RAD51B: variants seen among roughly 807,000 people sequenced by gnomAD.
The protein encoded by RAD51B is RAD51 paralog B.
Under a neutral mutation model 42.2 loss-of-function variants are expected in RAD51B, and 38 were observed. The ratio of observed to expected loss-of-function variants is 0.90; its 90% CI spans 0.70 to 1.18. The LOEUF (loss-of-function observed/expected upper bound fraction) is 1.18. RAD51B is among the 50% of genes most tolerant of loss of function. The pLI, the probability that RAD51B is intolerant of heterozygous loss-of-function variation, is 0.00. For missense variants in RAD51B, 373 were observed against 400.7 expected, an observed-to-expected ratio of 0.93 and a Z score of 0.59; for synonymous variants, 154 against 145.2, an observed-to-expected ratio of 1.06 and a Z score of -0.43.
Position 67,934,862 on chromosome 14 carries a change from C to A in RAD51B, c.756+47658C>A, listed in dbSNP as rs74475247. Among the ~76,000 whole-genome samples the A allele has an allele frequency of 3.4e-3, 518 of 152,278 alleles. 2 individuals are homozygous for A. Among genetic ancestry groups the A allele is most frequent in the African/African-American group, 0.012 (489 of 41,552 alleles). The stretch of plus-strand genomic sequence containing the variant: ...AATGGTAGGATCAGATGAGAAACCT[C>A]AGCAAGGTGTCTCCTGGTTATAGTC... On this transcript the variant is annotated intron_variant, in intron 7 of 10. Transcript: ENST00000471583.
chr14:68,630,065 T>C (rs1452303721), intron 10 of RAD51B, among the ~76,000 whole-genome samples: 2 of 152,248 alleles, frequency 1.3e-5, no homozygotes, highest in Non-Finnish European at 1.5e-5. Context: ...GGGAGGATTC[T>C]GACTCCACAG....
At chr14:68,138,816 T>C (rs1341674897) in intron 7 of RAD51B, among the ~76,000 whole-genome samples, 5 of 152,212 alleles carry the variant, frequency 3.3e-5, no homozygotes, top group Non-Finnish European at 5.9e-5. Flanking sequence ...AACTCAGTAG[T>C]TGAACCTAAG....
At chr14:68,125,431 A>G (rs2077736875) in intron 7 of RAD51B, 1 of 152,240 alleles carries the variant, frequency 6.6e-6, no homozygotes, top group Admixed American at 6.5e-5. Flanking sequence ...AAGCACACGC[A>G]GTCGTTCATA....
At chr14:68,566,633 A>C (rs570590773) in intron 10 of RAD51B, among the ~76,000 whole-genome samples, 1 of 152,132 alleles carries the variant, frequency 6.6e-6, no homozygotes, top group Non-Finnish European at 1.5e-5. Context: ...GGCTCACAGC[A>C]TACACCTACC....
intron 8 of RAD51B, among the ~76,000 whole-genome samples, chr14:68,379,443 C>T (rs558251204): frequency 6.6e-6 from 1 of 152,156 alleles, no homozygotes; most frequent in Non-Finnish European, 1.5e-5. Flanking sequence ...AGGAAATCCC[C>T]TTTCTGGCTT....
In RAD51B at chr14:68,415,031, C is replaced by CAAAAA. The variant is rs71129885; in HGVS notation, c.957+3528_957+3532dup. Among the ~76,000 whole-genome samples the CAAAAA allele has an allele frequency of 7.7e-3, 251 of 32,510 alleles. 32 individuals carry two copies. The highest frequency in any genetic ancestry group is 0.013 in the East Asian group (12 of 914). 21.3% of individuals were successfully genotyped at this position (32,510 alleles called of 152,430 possible). The stretch of plus-strand genomic sequence containing the variant: ...TGGGTGACAGAGCAAGACTCTGTCT[C>CAAAAA]AAAAAAAAAAAAAAAAAAAAAAAAA... On this transcript the variant is annotated intron_variant, in intron 9 of 10. Transcript: ENST00000471583.
chr14:68,327,589 C>A (rs2082275035), intron 8 of RAD51B, among the ~76,000 whole-genome samples: 1 of 151,816 alleles, frequency 6.6e-6, no homozygotes, highest in Non-Finnish European at 1.5e-5. Flanking sequence ...ACCATATTAC[C>A]CAATGAGGTT....
chr14:68,633,414 C>T (rs1267829228), intron 10 of RAD51B, among the ~76,000 whole-genome samples: 3 of 152,098 alleles, frequency 2.0e-5, no homozygotes, highest in Admixed American at 6.5e-5. Context: ...TTCCCCCAAA[C>T]GGCTGGCTCC....
intron 10 of RAD51B, among the ~76,000 whole-genome samples, chr14:68,628,897 C>T (rs1490135990): frequency 6.6e-6 from 1 of 152,194 alleles, no homozygotes; most frequent in African/African-American, 2.4e-5. Context: ...CGCTTAGTTG[C>T]TTATCAGGCC....
intron 5 of RAD51B, among the ~76,000 whole-genome samples, chr14:67,885,096 TA>T (rs1331029222): frequency 3.9e-5 from 6 of 152,222 alleles, no homozygotes; most frequent in Admixed American, 3.3e-4. Context: ...TCATTTCATT[TA>T]AAATGAAATG....
intron 10 of RAD51B, among the ~76,000 whole-genome samples, chr14:68,601,535 A>G (rs555740686): frequency 6.6e-6 from 1 of 152,286 alleles, no homozygotes; most frequent in South Asian, 2.1e-4. Context: ...GGCATGATTA[A>G]AGGATATCAG....
At chr14:68,429,861 T>A (rs1472109333) in intron 9 of RAD51B, among the ~76,000 whole-genome samples, 1 of 150,676 alleles carries the variant, frequency 6.6e-6, no homozygotes, top group East Asian at 1.9e-4. Flanking sequence ...GGTTTTCTTC[T>A]AGGGTTTTTA....
intron 7 of RAD51B, among the ~76,000 whole-genome samples, chr14:68,270,805 T>G (rs1215738428): frequency 1.3e-5 from 2 of 152,230 alleles, no homozygotes; most frequent in Non-Finnish European, 2.9e-5. Flanking sequence ...AGATGAGCTA[T>G]GTGTGTATTT....
chr14:68,320,994 T>C (rs2082147675), intron 8 of RAD51B, among the ~76,000 whole-genome samples: 1 of 152,216 alleles, frequency 6.6e-6, no homozygotes, highest in Admixed American at 6.5e-5. Context: ...CTTTCCCCCC[T>C]GCAGAAGTAT....
chr14:68,587,330 G>A (rs1890537025), intron 10 of RAD51B, among the ~76,000 whole-genome samples: 1 of 152,138 alleles, frequency 6.6e-6, no homozygotes, highest in South Asian at 2.1e-4. Context: ...CAGCTCTCCT[G>A]AAAGATTGGT....
intron 10 of RAD51B, among the ~76,000 whole-genome samples, chr14:68,515,056 G>C (rs1033673269): frequency 6.6e-6 from 1 of 152,180 alleles, no homozygotes; most frequent in African/African-American, 2.4e-5. Context: ...CAGAGAGCAG[G>C]TGATACTAAA....
chr14:67,991,295 T>C (rs1282142640), intron 7 of RAD51B, among the ~76,000 whole-genome samples: 1 of 152,208 alleles, frequency 6.6e-6, no homozygotes, highest in Non-Finnish European at 1.5e-5. Flanking sequence ...TAAAGTTTCA[T>C]ATTAGGTGAT....
intron 7 of RAD51B, among the ~76,000 whole-genome samples, chr14:67,988,919 TC>T (rs2075241911): frequency 6.6e-6 from 1 of 152,180 alleles, no homozygotes; most frequent in South Asian, 2.1e-4. Context: ...ATTTACAGAG[TC>T]ATGTTTTAGT....
intron 10 of RAD51B, among the ~76,000 whole-genome samples, chr14:68,516,913 T>C (rs1176498037): frequency 6.6e-6 from 1 of 152,236 alleles, no homozygotes; most frequent in African/African-American, 2.4e-5. Flanking sequence ...GATACAGGTT[T>C]CTAAAAATTC....
Sources: gnomAD v4.1 joint callset for allele counts (sites outside exome capture counted in the v4.1 genomes callset) on GRCh38, gnomAD v4.1.1 for gene constraint, MANE v1.5 for transcripts, NCBI Gene and HGNC (gene_info 2026-07-23, HGNC 2026-07-21) for gene names.